HHEX: variants seen among roughly 807,000 people sequenced by gnomAD.
HHEX encodes the protein hematopoietically expressed homeobox, also known as hematopoietically-expressed homeobox protein HHEX.
HHEX carries 8 observed loss-of-function variants against 27.0 expected under a neutral mutation model. The ratio of observed to expected loss-of-function variants is 0.30; its 90% CI spans 0.17 to 0.54. The LOEUF is 0.54. HHEX is among the 20% of genes least tolerant of loss of function. HHEX has a pLI of 0.95. For missense variants in HHEX, 326 were observed against 357.2 expected (o/e 0.91, Z 0.70); for synonymous variants, 164 against 161.5 (o/e 1.02, Z -0.12).
intron 1 of HHEX, chr10:92,691,461 C>T (rs1845354102): frequency 6.6e-6 from 1 of 152,238 alleles, no homozygotes; most frequent in Admixed American, 6.5e-5. Flanking sequence ...GGCGCGGGCT[C>T]TAGCTCAGCC....
In HHEX at chr10:92,695,094, A is replaced by G. The variant is rs1379425545; in HGVS notation, c.*326A>G. On this transcript the variant is annotated 3_prime_UTR_variant, in exon 4 of 4. Transcript: ENST00000282728. ...ATTTTGAACTTTTTGTTAAATTTTT[A>G]AGTTATAGCTTTAAAGGTTTTAATA... is the stretch of plus-strand genomic sequence containing the variant. The G allele has an allele frequency of 4.4e-6, 1 of 227,578 alleles. No homozygotes were observed. Among genetic ancestry groups the G allele is most frequent in the East Asian group, 1.1e-4 (1 of 8,738 alleles). The allele number at this position is 227,578 out of a possible 1,614,324, so 14.1% of individuals were successfully genotyped here.
rs751797640 is a variant in HHEX at position 92,692,459 on chromosome 10, G to C, written c.453G>C (p.Glu151Asp). The change falls in exon 2 of 4, where the codon GAG (glutamate) becomes GAC (aspartate). Residue 151 changes from glutamate to aspartate, a missense_variant. Physicochemically the swap from Glu to Asp is conservative, Grantham distance 45 (BLOSUM62 2). Coordinates refer to ENST00000282728, the MANE Select transcript of HHEX (RefSeq NM_002729.5). Reference sequence around the variant, plus strand: ...GATTCTCCAACGACCAGACCATCGAGCTGGAGAAGAAATTCGAGACGCAGA... The same window carrying C: ...GATTCTCCAACGACCAGACCATCGACCTGGAGAAGAAATTCGAGACGCAGA... ...QVRFSNDQTI[E>D]LEKKFETQKY... is the part of the protein sequence containing the mutation. 2.5e-6 allele frequency: 4 copies of C among 1,614,168 alleles called. No homozygotes were observed. Among genetic ancestry groups the C allele is most frequent in the Non-Finnish European group, 3.4e-6 (4 of 1,180,022 alleles).
Position 92,693,792 on chromosome 10 carries a change from T to C in HHEX, c.592-755T>C, listed in dbSNP as rs1015699435. ...TATTTATATGCATTTTAGACAAGTA[T>C]AGGATTAAAAATTCACTAGCTTATA... is the stretch of plus-strand genomic sequence containing the variant. On this transcript the variant is annotated intron_variant, in intron 3 of 3. Transcript: ENST00000282728. Among the ~76,000 whole-genome samples the C allele has an allele frequency of 2.0e-5, 3 of 152,318 alleles. No homozygotes were observed. In the South Asian group the frequency reaches 6.2e-4, roughly 32 times the overall value.
In HHEX at chr10:92,692,408, G is replaced by A. The variant is rs1845365395; in HGVS notation, c.402G>A (p.Leu134=). The A allele has an allele frequency of 1.2e-6, 2 of 1,613,960 alleles. No individual in the cohort carries two copies. The highest frequency in any genetic ancestry group is 2.7e-5 in the African/African-American group (2 of 74,920). Residue 134 remains leucine, a synonymous_variant, in exon 2 of 4, where the codon CTG becomes CTA. Transcript: ENST00000282728. ...GGAGCCCCTTCTTGCAGAGGCCTCT[G>A]CATAAAAGGAAAGGCGGCCAGGTGA... ...LLWSPFLQRP[L]HKRKGGQVRF...
intron 1 of HHEX, 127 bp from the exon 2 acceptor site, chr10:92,692,241 G>T: frequency 1.1e-6 from 1 of 871,514 alleles, no homozygotes; most frequent in Non-Finnish European, 1.8e-6. Flanking sequence ...GTGCCGGTGG[G>T]TGTATGTGAA....
intron 3 of HHEX, 138 bp from the exon 4 acceptor site, chr10:92,694,409 A>G (rs1845384875): frequency 3.0e-6 from 2 of 663,286 alleles, no homozygotes; most frequent in African/African-American, 3.6e-5. Context: ...TATCTCCTGA[A>G]TAAGATTATA....
At chr10:92,690,705 C>T (rs548684677) in intron 1 of HHEX, among the ~76,000 whole-genome samples, 80 of 152,304 alleles carry the variant, frequency 5.3e-4, no homozygotes, top group African/African-American at 1.7e-3. Flanking sequence ...GGATCGCAGC[C>T]GGGCCCGGGT....
At chr10:92,694,497 A>G (rs754044224) in intron 3 of HHEX, 50 bp from the exon 4 acceptor site, 3 of 1,332,742 alleles carry the variant, frequency 2.3e-6, no homozygotes, top group Non-Finnish European at 3.2e-6. Flanking sequence ...CCTCTCACCT[A>G]TCCATATTTT....
Position 92,692,477 on chromosome 10 carries a change from G to A in HHEX, c.471G>A (p.Glu157=). The change falls in exon 2 of 4, where the codon GAG becomes GAA. Residue 157 remains glutamate (E), a synonymous_variant. Transcript: ENST00000282728. The stretch of plus-strand genomic sequence containing the variant: ...CCATCGAGCTGGAGAAGAAATTCGA[G>A]ACGCAGAAATATCTCTCTCCGCCCG... ...DQTIELEKKF[E]TQKYLSPPER... 1 of 1,614,122 alleles carries A rather than the reference G, an allele frequency of 6.2e-7. No individual in the cohort carries two copies. Among genetic ancestry groups the A allele is most frequent in the Non-Finnish European group, 8.5e-7 (1 of 1,180,014 alleles).
In HHEX at chr10:92,692,358, C is replaced by T. The variant is rs1345382081; in HGVS notation, c.362-10C>T. On this transcript the variant is annotated splice_polypyrimidine_tract_variant and intron_variant, in intron 1 of 3. Transcript: ENST00000282728. ...GGGCAGTGGGTGAGCGCCGCTCTTCCCGCTCGCAGGCAAACCTCTACTCTG... is the reference window on the plus strand; with the variant it reads ...GGGCAGTGGGTGAGCGCCGCTCTTCTCGCTCGCAGGCAAACCTCTACTCTG... 8 of 1,612,172 alleles carry T rather than the reference C, an allele frequency of 5.0e-6. No individual in the cohort carries two copies. Among genetic ancestry groups the T allele is most frequent in the Non-Finnish European group, 5.9e-6 (7 of 1,179,798 alleles).
At chr10:92,692,946 G>A (rs928728149) in intron 3 of HHEX, among the ~76,000 whole-genome samples, 194 bp downstream of exon 3, 3 of 152,144 alleles carry the variant, frequency 2.0e-5, no homozygotes, top group African/African-American at 7.2e-5. Context: ...GCACCTAATG[G>A]GGTTCCTATA....
intron 1 of HHEX, 25 bp from the exon 2 acceptor site, chr10:92,692,343 T>C: frequency 6.2e-7 from 1 of 1,610,460 alleles, no homozygotes; most frequent in Non-Finnish European, 8.5e-7. Context: ...GGGCAGTGGG[T>C]GAGCGCCGCT....
In HHEX at chr10:92,692,453, C is replaced by T. The variant is rs755802806; in HGVS notation, c.447C>T (p.Thr149=). ...AGGTGAGATTCTCCAACGACCAGAC[C>T]ATCGAGCTGGAGAAGAAATTCGAGA... The part of the protein sequence containing the change: ...GGQVRFSNDQ[T]IELEKKFETQ... Residue 149 remains threonine (T), a synonymous_variant, in exon 2 of 4, where the codon ACC becomes ACT. Coordinates refer to ENST00000282728, the MANE Select transcript of HHEX (RefSeq NM_002729.5). The T allele has an allele frequency of 1.9e-6, 3 of 1,614,130 alleles. No individual in the cohort carries two copies. Among genetic ancestry groups the T allele is most frequent in the Non-Finnish European group, 2.5e-6 (3 of 1,180,002 alleles).
At position 92,690,340 on chromosome 10, in the gene HHEX, C is replaced by T. The variant is rs987560198; in HGVS notation, c.354C>T (p.Asp118=). The part of the protein sequence containing the change: ...NDYTHALLRH[D]PLGKPLLWSP... The stretch of plus-strand genomic sequence containing the variant: ...ACACGCACGCCCTGCTCCGCCACGA[C>T]CCCCTGGGTAAGGCGGCCGGGCGAG... The change falls in exon 1 of 4, where the codon GAC becomes GAT. Residue 118 remains aspartate (D), a synonymous_variant. Coordinates refer to ENST00000282728, the MANE Select transcript of HHEX (RefSeq NM_002729.5). 1.6e-5 allele frequency: 24 copies of T among 1,477,900 alleles called. No individual in the cohort carries two copies. Among genetic ancestry groups the T allele is most frequent in the Middle Eastern group, 1.8e-4 (1 of 5,702 alleles). The allele number at this position is 1,477,900 out of a possible 1,614,324, so 91.5% of individuals were successfully genotyped here. A position where few individuals can be genotyped will look rare whatever the true frequency, so the allele number is the denominator to read the frequency against.
In HHEX at chr10:92,690,233, T is replaced by TCCG; in HGVS notation, c.255_257dup (p.Ala86dup). 1 of 1,567,030 alleles carries TCCG rather than the reference T, an allele frequency of 6.4e-7. No individual in the cohort carries two copies. Among genetic ancestry groups the TCCG allele is most frequent in the Non-Finnish European group, 8.6e-7 (1 of 1,157,042 alleles). On this transcript the variant is annotated inframe_insertion, in exon 1 of 4. Transcript: ENST00000282728. Reference sequence around the variant, plus strand: ...GATCCATCCAGCCTTCTCGCACCACTCCGCCGCCGCGCTGGCCGCTGCCTA... The same window carrying TCCG: ...GATCCATCCAGCCTTCTCGCACCACTCCGCCGCCGCCGCGCTGGCCGCTGCCTA...
intron 1 of HHEX, chr10:92,692,007 A>G (rs1409985481): frequency 5.8e-6 from 1 of 172,882 alleles, no homozygotes; most frequent in African/African-American, 2.4e-5. Flanking sequence ...CCAAGGGGGC[A>G]AAAAGTTATG....
In HHEX at chr10:92,692,693, T is replaced by C. The variant is rs768240433; in HGVS notation, c.541-9T>C. On this transcript the variant is annotated splice_polypyrimidine_tract_variant and intron_variant, in intron 2 of 3. Coordinates refer to ENST00000282728, the MANE Select transcript of HHEX (RefSeq NM_002729.5). Reference sequence around the variant, plus strand: ...CTCGTTGCAAGTTTTCTTTCTCTCTTTCCTGTAGGTCAAAACCTGGTTTCA... The same window carrying C: ...CTCGTTGCAAGTTTTCTTTCTCTCTCTCCTGTAGGTCAAAACCTGGTTTCA... 14 of 1,613,610 alleles carry C rather than the reference T, an allele frequency of 8.7e-6. No individual in the cohort carries two copies. In the African/African-American group the frequency reaches 1.5e-4, roughly 17 times the overall value.
In HHEX at chr10:92,689,986, C is replaced by T. The variant is rs1589621572; in HGVS notation, c.-1C>T. 7.0e-7 allele frequency: 1 copy of T among 1,421,190 alleles called. No homozygotes were observed. The highest frequency in any genetic ancestry group is 9.1e-7 in the Non-Finnish European group (1 of 1,096,702). 88.0% of individuals were successfully genotyped at this position (1,421,190 alleles called of 1,614,324 possible). A position where few individuals can be genotyped will look rare whatever the true frequency, so the allele number is the denominator to read the frequency against. On this transcript the variant is annotated 5_prime_UTR_variant, in exon 1 of 4. Coordinates refer to ENST00000282728, the MANE Select transcript of HHEX (RefSeq NM_002729.5). ...GCGAGGGGCCGGAGCGCGGCGGAGC[C>T]ATGCAGTACCCGCACCCCGGGCCGG...
In HHEX at chr10:92,692,378, A is replaced by C. The variant is rs1295183202; in HGVS notation, c.372A>C (p.Leu124=). 1 of 1,612,828 alleles carries C rather than the reference A, an allele frequency of 6.2e-7. No homozygotes were observed. Among genetic ancestry groups the C allele is most frequent in the Admixed American group, 1.7e-5 (1 of 59,954 alleles). The part of the protein sequence containing the change: ...LLRHDPLGKP[L]LWSPFLQRPL... ...TCTTCCCGCTCGCAGGCAAACCTCTACTCTGGAGCCCCTTCTTGCAGAGGC... is the reference window on the plus strand; with the variant it reads ...TCTTCCCGCTCGCAGGCAAACCTCTCCTCTGGAGCCCCTTCTTGCAGAGGC... The change falls in exon 2 of 4, where the codon CTA becomes CTC. Residue 124 remains leucine, a synonymous_variant. Coordinates refer to ENST00000282728, the MANE Select transcript of HHEX (RefSeq NM_002729.5).
Sources: allele counts gnomAD v4.1 joint callset (sites outside exome capture counted in the v4.1 genomes callset), GRCh38; gene constraint gnomAD v4.1.1; transcripts MANE v1.5; gene names NCBI Gene and HGNC (gene_info 2026-07-23, HGNC 2026-07-21).